Variants in PLPP1 observed in about 807,000 individuals in gnomAD.
The protein encoded by PLPP1 is lipid phosphate phosphohydrolase 1a.
Under a neutral mutation model 31.2 loss-of-function variants are expected in PLPP1, and 24 were observed. The observed-to-expected ratio is 0.77, with a 90% confidence interval of 0.56 to 1.08. The LOEUF (loss-of-function observed/expected upper bound fraction) is 1.08, where lower values mean the gene tolerates loss of function less well. Among genes scored for constraint, PLPP1 ranks in the 50% least tolerant of loss-of-function variants. PLPP1 has a pLI of 0.00. For synonymous variants in PLPP1, 146 were observed against 126.3 expected (o/e 1.16, Z -1.05); for missense variants, 319 against 342.7 (o/e 0.93, Z 0.55).
At chr5:55,466,698 A>AT (rs1752303649) in intron 3 of PLPP1, among the ~76,000 whole-genome samples, 2 of 151,874 alleles carry the variant, frequency 1.3e-5, no homozygotes, top group African/African-American at 4.8e-5. Flanking sequence ...GCAAGACTCC[A>AT]TCTCAAAAAA....
chr5:55,513,277 T>TTTTTTTTTTTTTTG (rs1554041706), intron 1 of PLPP1, among the ~76,000 whole-genome samples: 2 of 149,208 alleles, frequency 1.3e-5, no homozygotes. Flanking sequence ...CCTTTTTTTT[T>TTTTTTTTTTTTTTG]AAGACAGAGT....
chr5:55,430,195 A>AC (rs2111666618), intron 4 of PLPP1, among the ~76,000 whole-genome samples: 1 of 152,204 alleles, frequency 6.6e-6, no homozygotes, highest in East Asian at 1.9e-4. Flanking sequence ...CACTGCCCGC[A>AC]CCACACCTGC....
chr5:55,488,096 T>C (rs554873177), intron 1 of PLPP1, among the ~76,000 whole-genome samples: 5 of 151,530 alleles, frequency 3.3e-5, no homozygotes, highest in African/African-American at 9.7e-5. Context: ...AAATAAATAA[T>C]TGGCATTAAA....
intron 4 of PLPP1, among the ~76,000 whole-genome samples, chr5:55,426,885 G>A (rs1287014259): frequency 6.6e-6 from 1 of 152,062 alleles, no homozygotes; most frequent in Non-Finnish European, 1.5e-5. Context: ...AAGTAATATA[G>A]GTTGTAGTTT....
At chr5:55,493,314 CAA>C (rs572344012) in intron 1 of PLPP1, among the ~76,000 whole-genome samples, 28 of 103,690 alleles carry the variant, frequency 2.7e-4, no homozygotes, top group Admixed American at 6.0e-4. Flanking sequence ...GACCCTGTCT[CAA>C]AAAAAAAAAA....
At chr5:55,514,764 T>C (rs549036154) in intron 1 of PLPP1, among the ~76,000 whole-genome samples, 1 of 152,310 alleles carries the variant, frequency 6.6e-6, no homozygotes, top group Non-Finnish European at 1.5e-5. Context: ...CAGTAGCAAA[T>C]AATATTTCCA....
chr5:55,490,860 G>A, intron 1 of PLPP1: 4 of 1,297,646 alleles, frequency 3.1e-6, no homozygotes, highest in Admixed American at 2.5e-5. Flanking sequence ...TATCAACACT[G>A]GTGAAGACAG....
At chr5:55,533,618 A>G (rs1202204836) in intron 1 of PLPP1, among the ~76,000 whole-genome samples, 2 of 152,160 alleles carry the variant, frequency 1.3e-5, no homozygotes, top group African/African-American at 4.8e-5. Context: ...CCACCCTGAG[A>G]ACTTGCCAAT....
chr5:55,522,843 T>C (rs971892814), intron 1 of PLPP1, among the ~76,000 whole-genome samples: 4 of 152,128 alleles, frequency 2.6e-5, no homozygotes, highest in African/African-American at 4.8e-5. Flanking sequence ...CTCAGCCTCC[T>C]GAGTAGCTGG....
At chr5:55,444,743 T>TTTTGTGTGTGTGTGTGTGTGTGTGTGTG (rs1751714532) in intron 3 of PLPP1, among the ~76,000 whole-genome samples, 7 of 137,268 alleles carry the variant, frequency 5.1e-5, no homozygotes, top group African/African-American at 1.9e-4. Context: ...GGATTCTATT[T>TTTTGTGTGTGTGTGTGTGTGTGTGTGTG]TGTGTGTGTG....
At chr5:55,503,929 G>A (rs565931803) in intron 1 of PLPP1, among the ~76,000 whole-genome samples, 52 of 128,354 alleles carry the variant, frequency 4.1e-4, no homozygotes, top group African/African-American at 1.5e-3. Context: ...GGAGGAATGG[G>A]AGAGGAGGGA....
At chr5:55,436,236 G>C (rs1751490598) in intron 4 of PLPP1, among the ~76,000 whole-genome samples, 1 of 152,096 alleles carries the variant, frequency 6.6e-6, no homozygotes, top group Non-Finnish European at 1.5e-5. Context: ...AGTCCCAAAT[G>C]ATATGGCTTG....
chr5:55,479,460 C>T (rs1483324708), intron 1 of PLPP1, among the ~76,000 whole-genome samples: 2 of 152,206 alleles, frequency 1.3e-5, no homozygotes, highest in Non-Finnish European at 2.9e-5. Context: ...ACCTAAGGCT[C>T]AAAAAGAACA....
intron 4 of PLPP1, among the ~76,000 whole-genome samples, chr5:55,438,501 T>C (rs1751546043): frequency 1.3e-5 from 2 of 152,196 alleles, no homozygotes; most frequent in Non-Finnish European, 2.9e-5. Context: ...AGGATTTAAA[T>C]GACTACGTCT....
intron 1 of PLPP1, chr5:55,484,357 T>C (rs758926686): frequency 9.2e-5 from 14 of 152,128 alleles, no homozygotes; most frequent in Non-Finnish European, 1.9e-4. Flanking sequence ...GCTATTGCAC[T>C]AGGTGCAATA....
chr5:55,517,475 G>A (rs1300025862), intron 1 of PLPP1, among the ~76,000 whole-genome samples: 2 of 152,144 alleles, frequency 1.3e-5, no homozygotes, highest in Non-Finnish European at 2.9e-5. Context: ...GGGAATACAG[G>A]TGTGAGCTAC....
At chr5:55,455,611 A>G (rs1751989197) in intron 3 of PLPP1, among the ~76,000 whole-genome samples, 1 of 152,182 alleles carries the variant, frequency 6.6e-6, no homozygotes, top group Non-Finnish European at 1.5e-5. Context: ...ACAGAGCAAG[A>G]CCCTGTCTTA....
rs1751127793 is a variant in PLPP1, at chr5:55,424,926, C to A, written c.*280G>T. The stretch of plus-strand genomic sequence containing the variant: ...TCATTCATAGAAAGCATATTACATA[C>A]ATGTTTATACATAAGCATTACATTT... On this transcript the variant is annotated 3_prime_UTR_variant, in exon 6 of 6. Coordinates refer to ENST00000307259, the MANE Select transcript of PLPP1 (RefSeq NM_003711.4). 1.6e-6 allele frequency: 1 copy of A among 631,118 alleles called. No homozygotes were observed. The highest frequency in any genetic ancestry group is 3.0e-5 in the Admixed American group (1 of 33,554). The allele number at this position is 631,118 out of a possible 1,614,324, so 39.1% of individuals were successfully genotyped here.
intron 3 of PLPP1, among the ~76,000 whole-genome samples, chr5:55,446,528 T>C (rs1751768710): frequency 6.6e-6 from 1 of 152,234 alleles, no homozygotes; most frequent in African/African-American, 2.4e-5. Context: ...AGGTAATTTG[T>C]TGTATTTGCT....
Sources: allele counts gnomAD v4.1 joint callset (sites outside exome capture counted in the v4.1 genomes callset), GRCh38; gene constraint gnomAD v4.1.1; transcripts MANE v1.5; gene names NCBI Gene and HGNC (gene_info 2026-07-23, HGNC 2026-07-21).